SNTG1: variants seen among roughly 807,000 people sequenced by gnomAD.
SNTG1 encodes the protein syntrophin gamma 1, also known as gamma-1-syntrophin.
SNTG1 carries 39 observed loss-of-function variants against 74.7 expected under a neutral mutation model. That is an observed-to-expected ratio of 0.52 (90% CI 0.40 to 0.68). The LOEUF (loss-of-function observed/expected upper bound fraction) is 0.68, where lower values mean the gene tolerates loss of function less well. SNTG1 is among the 30% of genes least tolerant of loss of function. The pLI, the probability that SNTG1 is intolerant of heterozygous loss-of-function variation, is 0.00. For synonymous variants in SNTG1, 254 were observed against 217.1 expected (o/e 1.17, Z -1.49); for missense variants, 685 against 609.5 (o/e 1.12, Z -1.30).
chr8:50,283,587 T>C lies in SNTG1; in HGVS notation c.-27-110625T>C, dbSNP rs563265523. Among the ~76,000 whole-genome samples, 19 of 152,312 alleles carry C rather than the reference T, an allele frequency of 1.2e-4. 1 individual carries two copies. Among genetic ancestry groups the C allele is most frequent in the African/African-American group, 4.3e-4 (18 of 41,580 alleles). On this transcript the variant is annotated intron_variant, in intron 2 of 18. Coordinates refer to ENST00000642720, the MANE Select transcript of SNTG1 (RefSeq NM_018967.5). ...CGTCAATTCCAGCATCCTTTAGTAT[T>C]AGTTCTCCATTTATATATTTTCAGT...
At chr8:50,126,458 AT>A in intron 1 of SNTG1, among the ~76,000 whole-genome samples, 1 of 152,286 alleles carries the variant, frequency 6.6e-6, no homozygotes, top group East Asian at 1.9e-4. Flanking sequence ...TAATGGAACA[AT>A]TGTAAGAAAT....
At chr8:50,189,800 T>C (rs757949688) in intron 2 of SNTG1, among the ~76,000 whole-genome samples, 1 of 152,264 alleles carries the variant, frequency 6.6e-6, no homozygotes, top group Non-Finnish European at 1.5e-5. Flanking sequence ...GCATAAAATA[T>C]AGTGTTTTTC....
chr8:50,670,507 G>A (rs1308926064), intron 15 of SNTG1, among the ~76,000 whole-genome samples: 1 of 151,022 alleles, frequency 6.6e-6, no homozygotes, highest in Admixed American at 6.6e-5. Context: ...ACCTCTTCAA[G>A]GAGAACTACA....
chr8:50,475,059 A>ACACAC (rs2131777167), intron 8 of SNTG1, among the ~76,000 whole-genome samples: 1 of 118,430 alleles, frequency 8.4e-6, no homozygotes, highest in East Asian at 3.0e-4. Flanking sequence ...GGGGAACATC[A>ACACAC]CACACTGGGG....
At chr8:50,454,501 TAAAC>T (rs894672583) in intron 8 of SNTG1, among the ~76,000 whole-genome samples, 17 of 141,742 alleles carry the variant, frequency 1.2e-4, no homozygotes, top group African/African-American at 3.2e-4. Context: ...AGTCTGAAAA[TAAAC>T]AAACAAACAA....
At chr8:50,342,156 G>C (rs2091335752) in intron 2 of SNTG1, among the ~76,000 whole-genome samples, 1 of 151,978 alleles carries the variant, frequency 6.6e-6, no homozygotes, top group Non-Finnish European at 1.5e-5. Context: ...TGTATAAAAG[G>C]CAATTTTTTT....
At chr8:50,684,023 C>T (rs947127106) in intron 15 of SNTG1, among the ~76,000 whole-genome samples, 1 of 152,146 alleles carries the variant, frequency 6.6e-6, no homozygotes, top group Middle Eastern at 3.2e-3. Flanking sequence ...ACAGATTCTA[C>T]ATACAAATTA....
At chr8:50,225,990 T>G (rs1475725829) in intron 2 of SNTG1, among the ~76,000 whole-genome samples, 2 of 152,182 alleles carry the variant, frequency 1.3e-5, no homozygotes, top group African/African-American at 4.8e-5. Context: ...GGACTAGATA[T>G]GCATACATAC....
chr8:50,532,588 T>C (rs944368038), intron 10 of SNTG1, among the ~76,000 whole-genome samples: 1 of 152,190 alleles, frequency 6.6e-6, no homozygotes, highest in South Asian at 2.1e-4. Context: ...TAACCTGCAA[T>C]GGTAATCAGA....
At chr8:50,436,158 T>TAAAGG (rs1384471529) in intron 4 of SNTG1, among the ~76,000 whole-genome samples, 1 of 152,180 alleles carries the variant, frequency 6.6e-6, no homozygotes, top group Non-Finnish European at 1.5e-5. Flanking sequence ...AGACAACTGA[T>TAAAGG]ATGGGTTGTC....
intron 1 of SNTG1, among the ~76,000 whole-genome samples, chr8:50,145,973 A>T (rs968303625): frequency 3.5e-5 from 2 of 56,832 alleles, no homozygotes; most frequent in Non-Finnish European, 6.2e-5. Context: ...TAATAATAAT[A>T]AAAAAAAAAA....
intron 12 of SNTG1, among the ~76,000 whole-genome samples, chr8:50,554,477 C>CTTT (rs11435822): frequency 7.1e-6 from 1 of 141,196 alleles, no homozygotes. Flanking sequence ...ACAGATTTTC[C>CTTT]TTTTTTTTTT....
chr8:50,364,210 C>G (rs1300768587), intron 2 of SNTG1, among the ~76,000 whole-genome samples: 1 of 152,116 alleles, frequency 6.6e-6, no homozygotes, highest in Non-Finnish European at 1.5e-5. Flanking sequence ...CCATAGTTCC[C>G]CTGGCAAGCC....
At chr8:49,993,452 CG>C (rs757353705) in intron 1 of SNTG1, among the ~76,000 whole-genome samples, 45 of 151,132 alleles carry the variant, frequency 3.0e-4, no homozygotes, top group Non-Finnish European at 5.5e-4. Context: ...AGGTTTGTTA[CG>C]TAGGTATACA....
intron 1 of SNTG1, among the ~76,000 whole-genome samples, chr8:49,942,281 T>A (rs1808766154): frequency 6.6e-6 from 1 of 152,230 alleles, no homozygotes; most frequent in Non-Finnish European, 1.5e-5. Flanking sequence ...ACTTTCCAGC[T>A]TACAAAGCTC....
At chr8:50,192,206 A>T (rs2083603182) in intron 2 of SNTG1, among the ~76,000 whole-genome samples, 2 of 152,278 alleles carry the variant, frequency 1.3e-5, no homozygotes, top group African/African-American at 4.8e-5. Context: ...ATCTTTTTAA[A>T]AAGAACAAAA....
chr8:50,052,637 C>T (rs1012520240), intron 1 of SNTG1, among the ~76,000 whole-genome samples: 1 of 151,972 alleles, frequency 6.6e-6, no homozygotes, highest in Non-Finnish European at 1.5e-5. Flanking sequence ...GATCAATTTA[C>T]AAAATTAGAT....
intron 2 of SNTG1, among the ~76,000 whole-genome samples, chr8:50,254,095 C>T (rs984869030): frequency 6.6e-6 from 1 of 152,138 alleles, no homozygotes; most frequent in African/African-American, 2.4e-5. Flanking sequence ...GTGATGGATA[C>T]ACTCGATACC....
intron 2 of SNTG1, among the ~76,000 whole-genome samples, chr8:50,252,021 C>T (rs767734704): frequency 5.3e-5 from 8 of 151,904 alleles, no homozygotes; most frequent in African/African-American, 1.7e-4. Flanking sequence ...TCTTTTATGA[C>T]CACAGAAGTA....
Sources: gnomAD v4.1 joint callset for allele counts (sites outside exome capture counted in the v4.1 genomes callset) on GRCh38, gnomAD v4.1.1 for gene constraint, MANE v1.5 for transcripts, NCBI Gene and HGNC (gene_info 2026-07-23, HGNC 2026-07-21) for gene names.